KDM4C: variants seen among roughly 807,000 people sequenced by gnomAD.
The protein encoded by KDM4C is lysine demethylase 4C, also known as lysine-specific demethylase 4C.
In KDM4C, 81 loss-of-function variants were observed where a neutral mutation model predicts 129.3. The ratio of observed to expected loss-of-function variants is 0.63; its 90% confidence interval spans 0.52 to 0.75. The LOEUF is 0.75. Ranked by LOEUF, KDM4C falls within the 30% of genes least tolerant of loss-of-function variation. KDM4C has a pLI of 0.00. For synonymous variants in KDM4C, 573 were observed against 456.1 expected (o/e 1.26, Z -3.26); for missense variants, 1,457 against 1,304.0 (o/e 1.12, Z -1.81).
At chr9:7,138,915 C>T (rs1293419119) in intron 19 of KDM4C, among the ~76,000 whole-genome samples, 1 of 152,122 alleles carries the variant, frequency 6.6e-6, no homozygotes. Context: ...CTTCCAGTAG[C>T]ATAGTTATAT....
intron 19 of KDM4C, among the ~76,000 whole-genome samples, chr9:7,157,742 T>C (rs534681889): frequency 6.6e-6 from 1 of 152,322 alleles, no homozygotes; most frequent in African/African-American, 2.4e-5. Context: ...GATGAGCTGC[T>C]GGATTCGGTT....
intron 8 of KDM4C, among the ~76,000 whole-genome samples, chr9:6,922,293 C>A (rs543899565): frequency 6.6e-6 from 1 of 152,168 alleles, no homozygotes; most frequent in African/African-American, 2.4e-5. Context: ...TTTACCTTTG[C>A]CCTTATGCAG....
intron 5 of KDM4C, among the ~76,000 whole-genome samples, chr9:6,874,655 G>C (rs1455372918): frequency 1.3e-5 from 2 of 152,140 alleles, no homozygotes; most frequent in Non-Finnish European, 1.5e-5. Context: ...TGGAATTTCG[G>C]AGCCCCAAGT....
intron 1 of KDM4C, among the ~76,000 whole-genome samples, chr9:6,782,903 G>A (rs1021917153): frequency 6.6e-6 from 1 of 152,260 alleles, no homozygotes; most frequent in South Asian, 2.1e-4. Context: ...GAAGTCACTC[G>A]GGATAGTAAT....
chr9:7,174,766 G>T lies in KDM4C; in HGVS notation c.*37G>T, dbSNP rs1845296470. On this transcript the variant is annotated 3_prime_UTR_variant, in exon 22 of 22. Transcript: ENST00000381309. ...CGCTGCAGGCCACAGAGCAGCTTGG[G>T]TTGGAAGAGAGAAGATGAAGGGACA... 1 of 1,588,634 alleles carries T rather than the reference G, an allele frequency of 6.3e-7. No homozygotes were observed. The highest frequency in any genetic ancestry group is 1.3e-5 in the African/African-American group (1 of 74,294).
intron 2 of KDM4C, among the ~76,000 whole-genome samples, chr9:6,797,811 G>A (rs1377005039): frequency 6.6e-6 from 1 of 152,184 alleles, no homozygotes; most frequent in East Asian, 1.9e-4. Flanking sequence ...GGCAAGTAGT[G>A]CAAATGCACA....
intron 3 of KDM4C, among the ~76,000 whole-genome samples, chr9:6,812,253 T>G (rs1831296800): frequency 6.6e-6 from 1 of 151,748 alleles, no homozygotes; most frequent in Non-Finnish European, 1.5e-5. Context: ...AAAAAAGTTG[T>G]TACTGATTGA....
At chr9:6,915,140 T>A (rs984015440) in intron 8 of KDM4C, among the ~76,000 whole-genome samples, 1 of 152,214 alleles carries the variant, frequency 6.6e-6, no homozygotes, top group Admixed American at 6.5e-5. Context: ...ATTTTAAACT[T>A]CCTTTACTAC....
intron 1 of KDM4C, among the ~76,000 whole-genome samples, chr9:6,722,457 C>T (rs1352687345): frequency 1.3e-5 from 2 of 151,804 alleles, no homozygotes; most frequent in African/African-American, 4.8e-5. Context: ...GCGGGCAGAT[C>T]TGTTGAGCTC....
intron 2 of KDM4C, among the ~76,000 whole-genome samples, chr9:6,799,040 G>A (rs553355069): frequency 4.9e-5 from 7 of 142,618 alleles, no homozygotes; most frequent in South Asian, 2.1e-4. Context: ...CACTTCCTAG[G>A]TGGGATGGCG....
At chr9:6,736,939 T>C (rs909312921) in intron 1 of KDM4C, among the ~76,000 whole-genome samples, 1 of 149,246 alleles carries the variant, frequency 6.7e-6, no homozygotes, top group Non-Finnish European at 1.5e-5. Context: ...TAGTCCCAGA[T>C]ACTTGGGAGG....
At position 6,795,095 on chromosome 9, in the gene KDM4C, G is replaced by A. The variant is rs149299223; in HGVS notation, c.144+1963G>A. Among the ~76,000 whole-genome samples, 135 of 152,264 alleles carry A rather than the reference G, an allele frequency of 8.9e-4. 1 individual carries two copies. The highest frequency in any genetic ancestry group is 3.1e-3 in the African/African-American group (129 of 41,560). ...TCCCTGAGTCCTGACAGAGTCTGCTGCCAGGCCGAACCACTCAGTTGCACT... is the reference window on the plus strand; with the variant it reads ...TCCCTGAGTCCTGACAGAGTCTGCTACCAGGCCGAACCACTCAGTTGCACT... On this transcript the variant is annotated intron_variant, in intron 2 of 21. Coordinates refer to ENST00000381309, the MANE Select transcript of KDM4C (RefSeq NM_015061.6).
chr9:6,953,628 T>C (rs1329787696), intron 8 of KDM4C, among the ~76,000 whole-genome samples: 1 of 152,170 alleles, frequency 6.6e-6, no homozygotes, highest in Admixed American at 6.5e-5. Context: ...CAGTGTACCA[T>C]GTTATACAAA....
At chr9:6,835,640 A>G (rs1427079529) in intron 4 of KDM4C, 10 of 785,594 alleles carry the variant, frequency 1.3e-5, no homozygotes, top group East Asian at 1.2e-4. Flanking sequence ...GCAGAAAACA[A>G]GATGAGATTG....
At chr9:7,068,926 A>T (rs62533861) in intron 17 of KDM4C, among the ~76,000 whole-genome samples, 5,728 of 151,530 alleles carry the variant, frequency 0.038, 158 homozygotes, top group Non-Finnish European at 0.059. Context: ...CGAACTCCTG[A>T]CCTCAGGTGA....
chr9:6,806,281 G>A (rs1055869720), intron 3 of KDM4C, among the ~76,000 whole-genome samples: 2 of 152,094 alleles, frequency 1.3e-5, no homozygotes, highest in African/African-American at 2.4e-5. Flanking sequence ...GATCACCTGA[G>A]GTCGGGAGTT....
Position 7,036,426 on chromosome 9 carries a change from C to G in KDM4C, c.2260-10436C>G, listed in dbSNP as rs10976000. On this transcript the variant is annotated intron_variant, in intron 15 of 21. Transcript: ENST00000381309. ...TAAGCTCCATGTAGAGTACTTCTGA[C>G]CAGTCTTACATGTTTCTTGCCACTT... Among the ~76,000 whole-genome samples the G allele has an allele frequency of 2.5e-3, 379 of 152,244 alleles. 9 individuals carry two copies. In the East Asian group the frequency reaches 0.027, roughly 11 times the overall value.
chr9:7,124,555 T>C (rs773216779), intron 18 of KDM4C, among the ~76,000 whole-genome samples: 1 of 152,194 alleles, frequency 6.6e-6, no homozygotes, highest in Non-Finnish European at 1.5e-5. Context: ...CAAGTCACTC[T>C]CTTACTTTAA....
At chr9:6,925,615 C>G (rs1822348511) in intron 8 of KDM4C, 1 of 985,318 alleles carries the variant, frequency 1.0e-6, no homozygotes, top group Non-Finnish European at 1.2e-6. Flanking sequence ...CTAAAACCGT[C>G]TTGGCTTGTT....
Sources: gnomAD v4.1 joint callset for allele counts (sites outside exome capture counted in the v4.1 genomes callset) on GRCh38, gnomAD v4.1.1 for gene constraint, MANE v1.5 for transcripts, NCBI Gene and HGNC (gene_info 2026-07-23, HGNC 2026-07-21) for gene names.